XIRP2: variants seen among roughly 807,000 people sequenced by gnomAD.
XIRP2 encodes xin actin binding repeat containing 2, also known as xin actin-binding repeat-containing protein 2.
In XIRP2, 236 loss-of-function variants were observed where a neutral mutation model predicts 277.0. The ratio of observed to expected loss-of-function variants is 0.85; its 90% CI spans 0.77 to 0.95. XIRP2 has a LOEUF of 0.95. Among genes scored for constraint, XIRP2 ranks in the 40% least tolerant of loss-of-function variants. The probability of loss-of-function intolerance (pLI) is 0.00; values close to 1 mark genes in which losing one functional copy is unlikely to be tolerated. For missense variants in XIRP2, 4,640 were observed against 4,157.5 expected, an observed-to-expected ratio of 1.12 and a Z score of -3.19; for synonymous variants, 1,490 against 1,416.5, an observed-to-expected ratio of 1.05 and a Z score of -1.17.
At chr2:166,981,166 G>T (rs75510752) in intron 2 of XIRP2, among the ~76,000 whole-genome samples, 7,157 of 152,188 alleles carry the variant, frequency 0.047, 210 homozygotes, top group East Asian at 0.079. Flanking sequence ...ACAAGCATCA[G>T]AACCTGGGGG....
intron 3 of XIRP2, among the ~76,000 whole-genome samples, chr2:167,137,964 T>C (rs1691604064): frequency 1.3e-5 from 2 of 152,190 alleles, no homozygotes; most frequent in South Asian, 4.1e-4. Flanking sequence ...ATACTTAATT[T>C]AGTTAACTTG....
intron 1 of XIRP2, among the ~76,000 whole-genome samples, chr2:166,901,889 C>A (rs985860002): frequency 1.3e-5 from 2 of 151,994 alleles, no homozygotes; most frequent in African/African-American, 4.8e-5. Flanking sequence ...ACCCACCTTT[C>A]GTCTTCCAAG....
chr2:166,945,036 T>A, intron 2 of XIRP2, among the ~76,000 whole-genome samples: 1 of 152,134 alleles, frequency 6.6e-6, no homozygotes, highest in East Asian at 1.9e-4. Flanking sequence ...TTCTCTTGGT[T>A]TGTTGATCAC....
At chr2:167,140,559 C>A (rs951143356) in intron 3 of XIRP2, among the ~76,000 whole-genome samples, 6 of 152,140 alleles carry the variant, frequency 3.9e-5, no homozygotes, top group Non-Finnish European at 7.4e-5. Flanking sequence ...TATAACTGGT[C>A]TCTGGATACA....
chr2:167,073,092 TACA>T (rs1689474846), intron 2 of XIRP2, among the ~76,000 whole-genome samples: 1 of 152,164 alleles, frequency 6.6e-6, no homozygotes, highest in Non-Finnish European at 1.5e-5. Context: ...TAAAGGCTGT[TACA>T]ACATTTTATT....
At chr2:167,197,932 A>G (rs1169348101) in intron 3 of XIRP2, among the ~76,000 whole-genome samples, 1 of 152,212 alleles carries the variant, frequency 6.6e-6, no homozygotes, top group Non-Finnish European at 1.5e-5. Context: ...TTCAATTTGA[A>G]TAACATTTAA....
chr2:167,061,479 G>A (rs1326167562), intron 2 of XIRP2, among the ~76,000 whole-genome samples: 1 of 152,014 alleles, frequency 6.6e-6, no homozygotes, highest in Non-Finnish European at 1.5e-5. Flanking sequence ...GTAAGTTTTT[G>A]TAGATGCCAT....
At chr2:167,054,988 T>C (rs1689005854) in intron 2 of XIRP2, among the ~76,000 whole-genome samples, 1 of 152,196 alleles carries the variant, frequency 6.6e-6, no homozygotes, top group African/African-American at 2.4e-5. Flanking sequence ...AGCTCACTAT[T>C]CTATGGGTTA....
At chr2:166,913,261 A>G (rs1183400884) in intron 2 of XIRP2, among the ~76,000 whole-genome samples, 1 of 150,806 alleles carries the variant, frequency 6.6e-6, no homozygotes. Flanking sequence ...ACCCAGTTCG[A>G]GCTTCCTGGC....
At chr2:167,177,017 G>A (rs188465595) in intron 3 of XIRP2, among the ~76,000 whole-genome samples, 1 of 152,302 alleles carries the variant, frequency 6.6e-6, no homozygotes, top group African/African-American at 2.4e-5. Flanking sequence ...TCCACCAGTA[G>A]ATCTCATTGC....
At chr2:167,115,800 G>T (rs1690881270) in intron 2 of XIRP2, among the ~76,000 whole-genome samples, 1 of 152,174 alleles carries the variant, frequency 6.6e-6, no homozygotes, top group African/African-American at 2.4e-5. Flanking sequence ...TGCCCACAGA[G>T]TTCAGACAGA....
At position 167,242,958 on chromosome 2, in the gene XIRP2, T is replaced by G; in HGVS notation, c.1566T>G (p.Ser522=). ...AAAAAGATTATATCAGTGAAGTTTCTGAGATTGTTTCTAGTCAAATGAACT... is the reference window on the plus strand; with the variant it reads ...AAAAAGATTATATCAGTGAAGTTTCGGAGATTGTTTCTAGTCAAATGAACT... ...NLEKDYISEV[S]EIVSSQMNSG... The change falls in exon 9 of 11, where the codon TCT becomes TCG. Residue 522 remains serine (S), a synonymous_variant. Coordinates refer to ENST00000409195, the MANE Select transcript of XIRP2 (RefSeq NM_152381.6). The G allele has an allele frequency of 6.2e-7, 1 of 1,613,738 alleles. No homozygotes were observed.
At chr2:167,184,692 G>A (rs1252171611) in intron 3 of XIRP2, 1 of 702,466 alleles carries the variant, frequency 1.4e-6, no homozygotes, top group South Asian at 1.5e-5. Context: ...TCATTGGTTT[G>A]GCTATCTCTG....
chr2:167,104,286 G>A (rs1260524091), intron 2 of XIRP2, among the ~76,000 whole-genome samples: 1 of 151,962 alleles, frequency 6.6e-6, no homozygotes, highest in East Asian at 1.9e-4. Context: ...CACAAAAGAA[G>A]CGCATACTGA....
intron 2 of XIRP2, among the ~76,000 whole-genome samples, chr2:166,975,818 C>T (rs961793570): frequency 6.7e-6 from 1 of 149,058 alleles, no homozygotes; most frequent in African/African-American, 2.5e-5. Context: ...CCCAGCTACT[C>T]GGGAGGCTGA....
At chr2:167,019,339 C>T (rs769757341) in intron 2 of XIRP2, among the ~76,000 whole-genome samples, 2 of 151,838 alleles carry the variant, frequency 1.3e-5, no homozygotes, top group Admixed American at 6.6e-5. Context: ...CAAAGAATAG[C>T]GACCCCAATA....
At chr2:166,953,426 T>C (rs531136664) in intron 2 of XIRP2, among the ~76,000 whole-genome samples, 1 of 152,122 alleles carries the variant, frequency 6.6e-6, no homozygotes, top group African/African-American at 2.4e-5. Context: ...CCTGCTGCCA[T>C]GTAAGTCATC....
At chr2:167,187,635 T>C (rs775149965) in intron 3 of XIRP2, 10 of 804,056 alleles carry the variant, frequency 1.2e-5, no homozygotes, top group South Asian at 5.7e-5. Context: ...ATTGTAATCA[T>C]TGTAAAAGAA....
intron 2 of XIRP2, among the ~76,000 whole-genome samples, chr2:167,111,926 G>A (rs756085115): frequency 3.3e-5 from 5 of 152,054 alleles, no homozygotes; most frequent in Non-Finnish European, 7.4e-5. Context: ...ATTTCTCCTG[G>A]ATTTTCTAGT....
Sources: gnomAD v4.1 joint callset for allele counts (sites outside exome capture counted in the v4.1 genomes callset) on GRCh38, gnomAD v4.1.1 for gene constraint, MANE v1.5 for transcripts, NCBI Gene and HGNC (gene_info 2026-07-23, HGNC 2026-07-21) for gene names.